The following GDAP1L1 variants were observed in gnomAD, a reference collection of about 807,000 sequenced individuals.
GDAP1L1 encodes ganglioside-induced differentiation-associated protein 1-like 1.
In GDAP1L1, 21 loss-of-function variants were observed where a neutral mutation model predicts 37.1. The observed-to-expected ratio is 0.57, with a 90% CI of 0.40 to 0.81. GDAP1L1 has a LOEUF of 0.81. Among genes scored for constraint, GDAP1L1 ranks in the 40% least tolerant of loss-of-function variants. The pLI, the probability that GDAP1L1 is intolerant of heterozygous loss-of-function variation, is 0.00. For missense variants in GDAP1L1, 362 were observed against 491.6 expected, an observed-to-expected ratio of 0.74 and a Z score of 2.49; for synonymous variants, 193 against 209.1, an observed-to-expected ratio of 0.92 and a Z score of 0.67.
At chr20:44,256,303 G>A (rs78054745) in intron 1 of GDAP1L1, among the ~76,000 whole-genome samples, 3,120 of 152,264 alleles carry the variant, frequency 0.02, 109 homozygotes, top group African/African-American at 0.071. Context: ...CTCGACTAAT[G>A]TTGGCAAGTT....
rs996867602 is a variant in GDAP1L1, at chr20:44,256,139, G to A, written c.181-1014G>A. ...TGCTTCCAGTTTTAAGTCTGCTGCT[G>A]AATTGCTGTGTGACTTTGGGTAGAT... On this transcript the variant is annotated intron_variant, in intron 1 of 5. Coordinates refer to ENST00000342560, the MANE Select transcript of GDAP1L1 (RefSeq NM_024034.6). 5.9e-5 allele frequency among the ~76,000 whole-genome samples: 9 copies of A among 152,266 alleles called. 1 individual carries two copies.
At chr20:44,260,557 G>C (rs2073653564) in intron 3 of GDAP1L1, among the ~76,000 whole-genome samples, 1 of 152,130 alleles carries the variant, frequency 6.6e-6, no homozygotes, top group Non-Finnish European at 1.5e-5. Flanking sequence ...TTAATCTGGT[G>C]CCCATGAGTG....
At chr20:44,276,412 A>AAAAGAAAGAAAGAAAAAAAGAAAG (rs2062576886) in intron 5 of GDAP1L1, among the ~76,000 whole-genome samples, 1 of 113,308 alleles carries the variant, frequency 8.8e-6, no homozygotes, top group Non-Finnish European at 1.8e-5. Flanking sequence ...AGAAAAAAGA[A>AAAAGAAAGAAAGAAAAAAAGAAAG]AAAGAAAGAA....
At position 44,251,997 on chromosome 20, in the gene GDAP1L1, A is replaced by G. The variant is rs116844505; in HGVS notation, c.180+4483A>G. The stretch of plus-strand genomic sequence containing the variant: ...CGCATGATATTTTGAGACAACTGCA[A>G]CAACTGTGAAGTGATGAAAATATCT... On this transcript the variant is annotated intron_variant, in intron 1 of 5. Transcript: ENST00000342560. Among the ~76,000 whole-genome samples, 985 of 152,330 alleles carry G rather than the reference A, an allele frequency of 6.5e-3. 5 individuals are homozygous for G. Among genetic ancestry groups the G allele is most frequent in the Non-Finnish European group, 9.7e-3 (663 of 68,022 alleles).
chr20:44,250,478 G>A (rs2073419660), intron 1 of GDAP1L1, among the ~76,000 whole-genome samples: 1 of 152,212 alleles, frequency 6.6e-6, no homozygotes, highest in Non-Finnish European at 1.5e-5. Flanking sequence ...CTGTTATAAA[G>A]GCATGGATTT....
upstream of GDAP1L1, chr20:44,247,255 G>T (rs1056492011): frequency 2.8e-6 from 4 of 1,434,788 alleles, no homozygotes; most frequent in South Asian, 2.4e-5. Context: ...GGGCAGGCTC[G>T]GCGAGGCCAT....
chr20:44,259,670 T>C (rs1337114752), intron 3 of GDAP1L1, among the ~76,000 whole-genome samples: 1 of 152,012 alleles, frequency 6.6e-6, no homozygotes, highest in Non-Finnish European at 1.5e-5. Flanking sequence ...TAATTTTTTG[T>C]ATTTTTGGTA....
intron 5 of GDAP1L1, among the ~76,000 whole-genome samples, chr20:44,266,144 C>T (rs1415757602): frequency 6.6e-6 from 1 of 152,106 alleles, no homozygotes; most frequent in African/African-American, 2.4e-5. Flanking sequence ...CCTGTCTCTA[C>T]TAAAAATACA....
chr20:44,249,290 G>A (rs1230460313), intron 1 of GDAP1L1, among the ~76,000 whole-genome samples: 5 of 152,056 alleles, frequency 3.3e-5, no homozygotes, highest in African/African-American at 1.2e-4. Flanking sequence ...CACTCACTTT[G>A]GCCTCCCAAA....
intron 5 of GDAP1L1, among the ~76,000 whole-genome samples, chr20:44,274,697 A>G (rs930612544): frequency 2.6e-5 from 4 of 152,030 alleles, no homozygotes; most frequent in Non-Finnish European, 4.4e-5. Flanking sequence ...TGGTGTCAAT[A>G]TTTAAAGTTT....
Position 44,257,398 on chromosome 20 carries a change from G to A in GDAP1L1, c.373+53G>A, listed in dbSNP as rs892210955. On this transcript the variant is annotated intron_variant, in intron 2 of 5. Transcript: ENST00000342560. Reference sequence around the variant, plus strand: ...CACTCCATACCACAGATCCTCAGGGGTCCCCACAGGCTCAGACGGGGTCCC... The same window carrying A: ...CACTCCATACCACAGATCCTCAGGGATCCCCACAGGCTCAGACGGGGTCCC... The A allele has an allele frequency of 2.0e-6, 3 of 1,533,150 alleles. No homozygotes were observed. In the South Asian group the frequency reaches 3.6e-5, roughly 18 times the overall value. 95.0% of individuals were successfully genotyped at this position (1,533,150 alleles called of 1,614,324 possible). A position where few individuals can be genotyped will look rare whatever the true frequency, so the allele number is the denominator to read the frequency against.
chr20:44,257,785 A>G (rs958299785), intron 2 of GDAP1L1, among the ~76,000 whole-genome samples: 5 of 152,012 alleles, frequency 3.3e-5, no homozygotes, highest in African/African-American at 4.8e-5. Flanking sequence ...TAGATTCCCT[A>G]GGACCCCATA....
At position 44,264,520 on chromosome 20, in the gene GDAP1L1, A is replaced by T; in HGVS notation, c.721A>T (p.Ile241Phe). 3 of 1,603,112 alleles carry T rather than the reference A, an allele frequency of 1.9e-6. No individual in the cohort carries two copies. In the South Asian group the frequency reaches 3.3e-5, roughly 18 times the overall value. ...LGELAMVLDQ[I>F]EAELEKRKLE... ...GGAACTGGCCATGGTGCTGGACCAG[A>T]TTGAGGCGGAGCTGGAGAAGAGGAA... is the stretch of plus-strand genomic sequence containing the variant. Residue 241 changes from isoleucine to phenylalanine, a missense_variant, in exon 5 of 6, where the codon ATT (isoleucine) becomes TTT (phenylalanine). Physicochemically the swap from Ile to Phe is conservative, Grantham distance 21. This residue lies in a region of GDAP1L1 where 277 missense variants were observed against 337.1 expected (regional missense o/e 0.82). Coordinates refer to ENST00000342560, the MANE Select transcript of GDAP1L1 (RefSeq NM_024034.6).
intron 4 of GDAP1L1, among the ~76,000 whole-genome samples, chr20:44,264,095 T>C (rs2073720952): frequency 6.6e-6 from 1 of 152,158 alleles, no homozygotes; most frequent in Non-Finnish European, 1.5e-5. Context: ...CAGTGGGACA[T>C]TGGCTACAGA....
chr20:44,265,783 A>T (rs2073752077), intron 5 of GDAP1L1, among the ~76,000 whole-genome samples: 1 of 152,174 alleles, frequency 6.6e-6, no homozygotes, highest in Non-Finnish European at 1.5e-5. Flanking sequence ...CAGAGAGATG[A>T]AGTGAGTTGC....
chr20:44,264,836 G>T, intron 5 of GDAP1L1: 1 of 1,166,378 alleles, frequency 8.6e-7, no homozygotes, highest in South Asian at 1.7e-5. Context: ...GACATTGTGT[G>T]AAATAATACA....
chr20:44,269,506 G>A (rs746496986), intron 5 of GDAP1L1, among the ~76,000 whole-genome samples: 11 of 152,220 alleles, frequency 7.2e-5, no homozygotes, highest in Non-Finnish European at 1.6e-4. Context: ...CAGCTCAGGT[G>A]AGAGATGATG....
intron 5 of GDAP1L1, among the ~76,000 whole-genome samples, chr20:44,269,789 G>A (rs1003424263): frequency 2.0e-5 from 3 of 152,118 alleles, no homozygotes; most frequent in Non-Finnish European, 2.9e-5. Context: ...GAATTAGCCG[G>A]GTGTGGTGGC....
At chr20:44,262,442 T>A (rs1353784058) in intron 3 of GDAP1L1, among the ~76,000 whole-genome samples, 2 of 151,784 alleles carry the variant, frequency 1.3e-5, no homozygotes, top group African/African-American at 4.8e-5. Flanking sequence ...GATGCTGCAA[T>A]TTGGGAAGAA....
Sources: allele counts gnomAD v4.1 joint callset (sites outside exome capture counted in the v4.1 genomes callset), GRCh38; gene constraint gnomAD v4.1.1; regional missense constraint gnomAD v4.1.1; transcripts MANE v1.5; gene names NCBI Gene and HGNC (gene_info 2026-07-23, HGNC 2026-07-21).